The following SND1 variants were observed in gnomAD, a reference collection of about 807,000 sequenced individuals.
The protein encoded by SND1 is staphylococcal nuclease and tudor domain containing 1, also known as staphylococcal nuclease domain-containing protein 1.
SND1 carries 38 observed loss-of-function variants against 121.7 expected under a neutral mutation model. The observed-to-expected ratio is 0.31, with a 90% CI of 0.24 to 0.41. The LOEUF (loss-of-function observed/expected upper bound fraction) is 0.41. Among genes scored for constraint, SND1 ranks in the 10% least tolerant of loss-of-function variants. The pLI, the probability that SND1 is intolerant of heterozygous loss-of-function variation, is 1.00. For missense variants in SND1, 868 were observed against 1,184.6 expected (o/e 0.73, Z 3.92); for synonymous variants, 401 against 447.4 (o/e 0.90, Z 1.31).
At chr7:127,693,168 T>C (rs977318898) in intron 2 of SND1, among the ~76,000 whole-genome samples, 1 of 152,344 alleles carries the variant, frequency 6.6e-6, no homozygotes. Context: ...TGGGACGCTT[T>C]GTTCATTGGT....
chr7:127,934,343 C>T (rs75278839), intron 15 of SND1, among the ~76,000 whole-genome samples: 3,261 of 152,200 alleles, frequency 0.021, 48 homozygotes, highest in Non-Finnish European at 0.033. Flanking sequence ...AGCTCAGACA[C>T]GAGCTAGTCC....
At chr7:127,807,611 TG>T (rs1563020484) in intron 11 of SND1, 38 bp downstream of exon 11, 1 of 1,531,912 alleles carries the variant, frequency 6.5e-7, no homozygotes, top group East Asian at 2.2e-5. Context: ...TGCAAGTGGT[TG>T]GGCTTAAGCT....
At chr7:127,738,422 G>T (rs958523508) in intron 10 of SND1, among the ~76,000 whole-genome samples, 4 of 151,792 alleles carry the variant, frequency 2.6e-5, no homozygotes, top group African/African-American at 9.7e-5. Context: ...GGTATTACAG[G>T]CACCTGCCAC....
chr7:127,736,627 A>G (rs1434084250), intron 10 of SND1, among the ~76,000 whole-genome samples: 1 of 152,216 alleles, frequency 6.6e-6, no homozygotes, highest in Non-Finnish European at 1.5e-5. Context: ...CCACAGATAC[A>G]TGTTCCCAGA....
chr7:127,828,316 C>G (rs1798679902), intron 11 of SND1, among the ~76,000 whole-genome samples: 1 of 151,920 alleles, frequency 6.6e-6, no homozygotes, highest in South Asian at 2.1e-4. Context: ...ATTTCTATTT[C>G]CTATACCTTC....
chr7:127,969,061 C>T (rs141841724), intron 15 of SND1, among the ~76,000 whole-genome samples: 2 of 152,340 alleles, frequency 1.3e-5, no homozygotes, highest in Non-Finnish European at 2.9e-5. Flanking sequence ...CTTTTGCTGC[C>T]TCTGCTATTG....
At chr7:127,862,174 G>A (rs1799391846) in intron 12 of SND1, among the ~76,000 whole-genome samples, 1 of 152,184 alleles carries the variant, frequency 6.6e-6, no homozygotes, top group South Asian at 2.1e-4. Flanking sequence ...TCTGCTAAAG[G>A]CAGGGACTGT....
At chr7:127,778,485 C>A (rs984780544) in intron 10 of SND1, among the ~76,000 whole-genome samples, 2 of 152,200 alleles carry the variant, frequency 1.3e-5, no homozygotes, top group South Asian at 4.1e-4. Context: ...GCGTGAGCCA[C>A]CGCACTCGGT....
intron 12 of SND1, chr7:127,858,528 T>A: frequency 6.3e-6 from 3 of 477,010 alleles, no homozygotes; most frequent in Non-Finnish European, 1.2e-5. Context: ...GTTTATGCAG[T>A]GCAGATCTAA....
chr7:127,909,383 C>T (rs960126985), intron 14 of SND1, among the ~76,000 whole-genome samples: 1 of 151,950 alleles, frequency 6.6e-6, no homozygotes, highest in Non-Finnish European at 1.5e-5. Context: ...ATGCTCATGT[C>T]ACATAGCACT....
At chr7:128,074,830 C>A in intron 17 of SND1, 140 bp downstream of exon 17, 1 of 792,736 alleles carries the variant, frequency 1.3e-6, no homozygotes, top group Non-Finnish European at 2.0e-6. Flanking sequence ...GACCCCACAC[C>A]AAGGCCACAC....
intron 13 of SND1, among the ~76,000 whole-genome samples, chr7:127,893,471 G>C (rs914716369): frequency 8.5e-5 from 13 of 152,116 alleles, no homozygotes; most frequent in African/African-American, 3.1e-4. Context: ...TGTTAGTTCA[G>C]AAGTTGGGGC....
At chr7:127,963,039 C>T (rs189641283) in intron 15 of SND1, among the ~76,000 whole-genome samples, 7 of 152,242 alleles carry the variant, frequency 4.6e-5, no homozygotes, top group Admixed American at 2.0e-4. Context: ...TTGTGATGAT[C>T]GCATTCTGTT....
At chr7:127,709,617 GA>G (rs1245063426) in intron 9 of SND1, among the ~76,000 whole-genome samples, 1 of 152,164 alleles carries the variant, frequency 6.6e-6, no homozygotes, top group Non-Finnish European at 1.5e-5. Flanking sequence ...CCTACCTGTA[GA>G]AGAATTTTTT....
At chr7:127,781,517 G>A (rs73721004) in intron 10 of SND1, among the ~76,000 whole-genome samples, 2,593 of 152,210 alleles carry the variant, frequency 0.017, 91 homozygotes, top group African/African-American at 0.059. Context: ...AGTTGCTGGG[G>A]CAGAGACAAT....
chr7:127,801,330 T>C (rs1798124270), intron 10 of SND1, among the ~76,000 whole-genome samples: 1 of 152,262 alleles, frequency 6.6e-6, no homozygotes, highest in Admixed American at 6.5e-5. Context: ...TATCAAGTTA[T>C]ACTTTTTTGC....
At chr7:127,945,229 A>T (rs1192785852) in intron 15 of SND1, among the ~76,000 whole-genome samples, 1 of 152,206 alleles carries the variant, frequency 6.6e-6, no homozygotes, top group Non-Finnish European at 1.5e-5. Context: ...GTGGTGGCTC[A>T]CGCCTGTAAT....
At chr7:127,886,824 A>G (rs893423842) in intron 12 of SND1, among the ~76,000 whole-genome samples, 15 of 137,200 alleles carry the variant, frequency 1.1e-4, no homozygotes, top group East Asian at 2.3e-4. Flanking sequence ...CTCATTCCCA[A>G]GTGTGAGCAA....
intron 11 of SND1, among the ~76,000 whole-genome samples, chr7:127,838,291 A>C (rs2116636575): frequency 6.6e-6 from 1 of 152,354 alleles, no homozygotes; most frequent in East Asian, 1.9e-4. Flanking sequence ...ATGGAGAACA[A>C]GGAACAGGGG....
Sources: gnomAD v4.1 joint callset for allele counts (sites outside exome capture counted in the v4.1 genomes callset) on GRCh38, gnomAD v4.1.1 for gene constraint, MANE v1.5 for transcripts, NCBI Gene and HGNC (gene_info 2026-07-23, HGNC 2026-07-21) for gene names.